Variants in ARHGAP5 observed in about 807,000 individuals in gnomAD.
ARHGAP5 encodes Rho GTPase activating protein 5.
A neutral mutation model predicts 116.6 loss-of-function variants in ARHGAP5; 23 were observed. That is an observed-to-expected ratio of 0.20 (90% CI 0.14 to 0.28). The LOEUF (loss-of-function observed/expected upper bound fraction) is 0.28. Ranked by LOEUF, ARHGAP5 falls within the 10% of genes least tolerant of loss-of-function variation. The pLI, the probability that ARHGAP5 is intolerant of heterozygous loss-of-function variation, is 1.00. For missense variants in ARHGAP5, 1,405 were observed against 1,774.8 expected (o/e 0.79, Z 3.74); for synonymous variants, 574 against 602.0 (o/e 0.95, Z 0.68).
chr14:32,115,977 A>G lies in ARHGAP5; in HGVS notation c.3718-1163A>G, dbSNP rs557744269. Among the ~76,000 whole-genome samples the G allele has an allele frequency of 1.7e-4, 26 of 151,126 alleles. No individual in the cohort carries two copies. In the East Asian group the frequency reaches 4.5e-3, roughly 26 times the overall value. On this transcript the variant is annotated intron_variant, in intron 2 of 6. Transcript: ENST00000345122. ...GCCACTGCTCTCCAAGCTGGGTGAT[A>G]GAGCGAGACTCCGTCTAAAAAAAAA...
chr14:32,109,169 T>G (rs2139052038), intron 2 of ARHGAP5, among the ~76,000 whole-genome samples: 1 of 152,296 alleles, frequency 6.6e-6, no homozygotes, highest in South Asian at 2.1e-4. Flanking sequence ...ATGTGGTTGG[T>G]TGGGTTTACT....
At chr14:32,130,074 C>T (rs1229578513) in intron 3 of ARHGAP5, among the ~76,000 whole-genome samples, 1 of 151,492 alleles carries the variant, frequency 6.6e-6, no homozygotes, top group Admixed American at 6.6e-5. Context: ...GAAGTAAATA[C>T]ATATATATGT....
intron 3 of ARHGAP5, among the ~76,000 whole-genome samples, chr14:32,130,764 C>G (rs1465850803): frequency 6.6e-6 from 1 of 152,120 alleles, no homozygotes; most frequent in Non-Finnish European, 1.5e-5. Context: ...AACTCCTGGC[C>G]TTGTGATCCA....
intron 2 of ARHGAP5, among the ~76,000 whole-genome samples, chr14:32,113,873 G>A (rs1165620925): frequency 6.6e-6 from 1 of 152,134 alleles, no homozygotes; most frequent in Non-Finnish European, 1.5e-5. Context: ...ATTACAGACT[G>A]TTAAGATCCC....
chr14:32,157,832 T>G lies in ARHGAP5; in HGVS notation c.*2884T>G, dbSNP rs1053347088. 8 of 151,214 alleles carry G rather than the reference T, an allele frequency of 5.3e-5. No homozygotes were observed. The highest frequency in any genetic ancestry group is 1.9e-4 in the African/African-American group (8 of 41,338). 9.4% of individuals were successfully genotyped at this position (151,214 alleles called of 1,614,324 possible). A position where few individuals can be genotyped will look rare whatever the true frequency, so the allele number is the denominator to read the frequency against. ...TTTTTTTGTTTATTTGGGTTTGTTTTTTTTTTTGAGGTACTGGAATCTAAT... is the reference window on the plus strand; with the variant it reads ...TTTTTTTGTTTATTTGGGTTTGTTTGTTTTTTTGAGGTACTGGAATCTAAT... On this transcript the variant is annotated 3_prime_UTR_variant, in exon 7 of 7. Coordinates refer to ENST00000345122, the MANE Select transcript of ARHGAP5 (RefSeq NM_001030055.2).
intron 3 of ARHGAP5, among the ~76,000 whole-genome samples, chr14:32,139,426 A>G (rs1253087344): frequency 6.6e-6 from 1 of 152,042 alleles, no homozygotes; most frequent in Non-Finnish European, 1.5e-5. Context: ...TTCTTCTTGA[A>G]TCAGTTTTGG....
chr14:32,129,919 T>A lies in ARHGAP5; in HGVS notation c.3865+12632T>A, dbSNP rs540365318. ...TTCACTTTGACTGTATGACCACACT[T>A]CCAGGCACAGTGGCTCACACCTGTA... On this transcript the variant is annotated intron_variant, in intron 3 of 6. Transcript: ENST00000345122. Among the ~76,000 whole-genome samples the A allele has an allele frequency of 9.9e-5, 15 of 152,136 alleles. No homozygotes were observed. The South Asian group carries it at 2.9e-3, about 29-fold the overall frequency.
intron 2 of ARHGAP5, among the ~76,000 whole-genome samples, chr14:32,111,755 T>G (rs1879311424): frequency 6.6e-6 from 1 of 152,104 alleles, no homozygotes; most frequent in Admixed American, 6.5e-5. Flanking sequence ...TTTTATTTGC[T>G]ACTTCTAAGC....
intron 3 of ARHGAP5, among the ~76,000 whole-genome samples, chr14:32,136,174 T>C (rs1880782611): frequency 1.3e-5 from 2 of 152,216 alleles, no homozygotes; most frequent in South Asian, 4.1e-4. Context: ...TTAAAGTATA[T>C]AATTCAGAGG....
At chr14:32,141,020 T>C (rs535723497) in intron 3 of ARHGAP5, among the ~76,000 whole-genome samples, 13 of 152,364 alleles carry the variant, frequency 8.5e-5, no homozygotes, top group African/African-American at 3.1e-4. Flanking sequence ...TTTATAATTA[T>C]ATCTTACTGA....
At chr14:32,088,285 G>A (rs1221898300) in intron 1 of ARHGAP5, among the ~76,000 whole-genome samples, 1 of 151,884 alleles carries the variant, frequency 6.6e-6, no homozygotes, top group Non-Finnish European at 1.5e-5. Flanking sequence ...TTACTGTACT[G>A]TAAAAATTCC....
rs879512762 is a variant in ARHGAP5 at position 32,112,870 on chromosome 14, CA to C, written c.3718-4257del. On this transcript the variant is annotated intron_variant, in intron 2 of 6. Coordinates refer to ENST00000345122, the MANE Select transcript of ARHGAP5 (RefSeq NM_001030055.2). ...TGGGCAATAGAACAAGACTCCGCCT[CA>C]AAAAAAAAAAAATTGGATTTTCATA... Among the ~76,000 whole-genome samples, 798 of 133,970 alleles carry C rather than the reference CA, an allele frequency of 6.0e-3. 9 individuals are homozygous for C. The highest frequency in any genetic ancestry group is 0.019 in the African/African-American group (702 of 36,426). The allele number at this position is 133,970 out of a possible 152,430, so 87.9% of individuals were successfully genotyped here. A position where few individuals can be genotyped will look rare whatever the true frequency, so the allele number is the denominator to read the frequency against.
chr14:32,086,763 G>A (rs556222673), intron 1 of ARHGAP5, among the ~76,000 whole-genome samples: 2 of 151,704 alleles, frequency 1.3e-5, no homozygotes, highest in South Asian at 4.2e-4. Flanking sequence ...AAATACCTTA[G>A]AAAACTTAGT....
intron 5 of ARHGAP5, among the ~76,000 whole-genome samples, chr14:32,150,325 A>C (rs1013019545): frequency 1.3e-5 from 2 of 152,252 alleles, no homozygotes; most frequent in Admixed American, 1.3e-4. Context: ...ACTTAAGGGC[A>C]TTGTAAGAAA....
At position 32,154,788 on chromosome 14, in the gene ARHGAP5, A is replaced by G. The variant is rs573152967; in HGVS notation, c.4349A>G (p.Tyr1450Cys). Residue 1450 changes from tyrosine to cysteine, a missense_variant, in exon 7 of 7, where the codon TAC becomes TGC. Tyr to Cys is a radical substitution (Grantham distance 194, BLOSUM62 -2). Transcript: ENST00000345122. ...ATTCAGCAGTGTCAGTTTTTCTTTTACAATGGAGAAATTGTAGAAACGACA... is the reference window on the plus strand; with the variant it reads ...ATTCAGCAGTGTCAGTTTTTCTTTTGCAATGGAGAAATTGTAGAAACGACA... Reference protein sequence around the residue: ...TFIQQCQFFFYNGEIVETTNI... With the variant: ...TFIQQCQFFFCNGEIVETTNI... 6.2e-7 allele frequency: 1 copy of G among 1,614,132 alleles called. No homozygotes were observed. The highest frequency in any genetic ancestry group is 1.3e-5 in the African/African-American group (1 of 75,036).
At chr14:32,144,290 G>T (rs945889677) in intron 3 of ARHGAP5, among the ~76,000 whole-genome samples, 2 of 152,024 alleles carry the variant, frequency 1.3e-5, no homozygotes, top group African/African-American at 2.4e-5. Flanking sequence ...TAGTTATTTT[G>T]AGGTAAGATT....
At position 32,140,482 on chromosome 14, in the gene ARHGAP5, C is replaced by G. The variant is rs1881070104; in HGVS notation, c.3866-5781C>G. ...GGCGCATGCTGTAGTCCTAACTACT[C>G]TGGAGGCTGAGGCAGGAGAACGGTG... is the stretch of plus-strand genomic sequence containing the variant. On this transcript the variant is annotated intron_variant, in intron 3 of 6. Coordinates refer to ENST00000345122, the MANE Select transcript of ARHGAP5 (RefSeq NM_001030055.2). Among the ~76,000 whole-genome samples, 8 of 151,922 alleles carry G rather than the reference C, an allele frequency of 5.3e-5. No homozygotes were observed. The South Asian group carries it at 1.2e-3, about 24-fold the overall frequency.
At chr14:32,137,277 T>G (rs1420429244) in intron 3 of ARHGAP5, among the ~76,000 whole-genome samples, 13 of 149,476 alleles carry the variant, frequency 8.7e-5, no homozygotes, top group Non-Finnish European at 1.6e-4. Context: ...AAATTCGTTC[T>G]TAAGCATGTG....
At chr14:32,127,701 C>T (rs536374092) in intron 3 of ARHGAP5, among the ~76,000 whole-genome samples, 176 of 152,322 alleles carry the variant, frequency 1.2e-3, no homozygotes, top group African/African-American at 3.8e-3. Context: ...ACCTCCCAGA[C>T]GGGGTGGCGG....
Sources: allele counts gnomAD v4.1 joint callset (sites outside exome capture counted in the v4.1 genomes callset), GRCh38; gene constraint gnomAD v4.1.1; transcripts MANE v1.5; gene names NCBI Gene and HGNC (gene_info 2026-07-23, HGNC 2026-07-21).